The following RAB3B variants were observed in gnomAD, a reference collection of about 807,000 sequenced individuals.
RAB3B encodes the protein RAB3B, member RAS oncogene family, also known as ras-related protein Rab-3B.
RAB3B carries 11 observed loss-of-function variants against 20.5 expected under a neutral mutation model. That is an observed-to-expected ratio of 0.54 (90% CI 0.34 to 0.89). The LOEUF (loss-of-function observed/expected upper bound fraction) is 0.89, where lower values mean the gene tolerates loss of function less well. Among genes scored for constraint, RAB3B ranks in the 40% least tolerant of loss-of-function variants. RAB3B has a pLI of 0.02. For synonymous variants in RAB3B, 99 were observed against 106.3 expected (o/e 0.93, Z 0.42); for missense variants, 225 against 280.9 (o/e 0.80, Z 1.42).
In RAB3B at chr1:51,984,387, C is replaced by CTT. The variant is rs949424495; in HGVS notation, c.-1+6163_-1+6164dup. On this transcript the variant is annotated intron_variant, in intron 1 of 4. Transcript: ENST00000371655. ...CTATAGATGTGTCATAAGACCAATT[C>CTT]TTTTTTTTTTTTTTTTTTTTTGAGA... Among the ~76,000 whole-genome samples the CTT allele has an allele frequency of 2.7e-3, 270 of 98,932 alleles. 16 individuals are homozygous for CTT. In the South Asian group the frequency reaches 0.028, roughly 10 times the overall value. The allele number at this position is 98,932 out of a possible 152,430, so 64.9% of individuals were successfully genotyped here.
Position 51,915,700 on chromosome 1 carries a change from CTTGTT to C in RAB3B, c.*4222_*4226del, listed in dbSNP as rs1684075362. 1 of 151,848 alleles carries C rather than the reference CTTGTT, an allele frequency of 6.6e-6. No homozygotes were observed. The highest frequency in any genetic ancestry group is 2.4e-5 in the African/African-American group (1 of 41,326). 9.4% of individuals were successfully genotyped at this position (151,848 alleles called of 1,614,324 possible). A position where few individuals can be genotyped will look rare whatever the true frequency, so the allele number is the denominator to read the frequency against. On this transcript the variant is annotated 3_prime_UTR_variant, in exon 5 of 5. Transcript: ENST00000371655. Reference sequence around the variant, plus strand: ...GTTTTTTGTTGTTGTTGTTTGTTTGCTTGTTTTGTTTTGAGATGGAGTCTCGCTCT... The same window carrying C: ...GTTTTTTGTTGTTGTTGTTTGTTTGCTTGTTTTGAGATGGAGTCTCGCTCT...
At chr1:51,970,879 C>G (rs1684920632) in intron 2 of RAB3B, among the ~76,000 whole-genome samples, 1 of 151,764 alleles carries the variant, frequency 6.6e-6, no homozygotes, top group Admixed American at 6.6e-5. Flanking sequence ...GGCTTGGTGG[C>G]TGGGACCTGT....
intron 4 of RAB3B, among the ~76,000 whole-genome samples, chr1:51,924,125 G>A (rs1226654547): frequency 1.3e-5 from 2 of 152,172 alleles, no homozygotes; most frequent in Admixed American, 6.5e-5. Context: ...AGGTGGGAAT[G>A]AGCAAGGAGG....
At position 51,919,990 on chromosome 1, in the gene RAB3B, G is replaced by T. The variant is rs1299978432; in HGVS notation, c.597C>A (p.Gly199=). The T allele has an allele frequency of 6.2e-7, 1 of 1,614,186 alleles. No individual in the cohort carries two copies. Among genetic ancestry groups the T allele is most frequent in the Non-Finnish European group, 8.5e-7 (1 of 1,180,028 alleles). ...DSLDTDPSML[G]SSKNTRLSDT... ...CCGAGAGACGCGTGTTCTTGGAGGA[G>T]CCCAGCATCGACGGGTCTGTGTCCA... Residue 199 remains glycine, a synonymous_variant, in exon 5 of 5, where the codon GGC becomes GGA. Transcript: ENST00000371655.
chr1:51,989,764 C>T (rs1040385531), intron 1 of RAB3B, among the ~76,000 whole-genome samples: 1 of 151,582 alleles, frequency 6.6e-6, no homozygotes, highest in South Asian at 2.1e-4. Flanking sequence ...CCAACCTGGC[C>T]TCTCACCCTT....
At chr1:51,944,254 G>A (rs939867112) in intron 2 of RAB3B, among the ~76,000 whole-genome samples, 24 of 152,278 alleles carry the variant, frequency 1.6e-4, no homozygotes, top group African/African-American at 5.5e-4. Flanking sequence ...ATGGTTTACT[G>A]AATAATTTAA....
At chr1:51,986,243 C>A (rs6691214) in intron 1 of RAB3B, among the ~76,000 whole-genome samples, 113,475 of 150,478 alleles carry the variant, frequency 0.75, 45,729 homozygotes, top group Middle Eastern at 0.88. Context: ...CTCCGCCTCC[C>A]GGGTTCACGC....
At position 51,920,018 on chromosome 1, in the gene RAB3B, G is replaced by A. The variant is rs747436141; in HGVS notation, c.569C>T (p.Ser190Leu). Residue 190 changes from serine to leucine, a missense_variant, in exon 5 of 5, where the codon TCG becomes TTG. Coordinates refer to ENST00000371655, the MANE Select transcript of RAB3B (RefSeq NM_002867.4). The part of the protein sequence containing the change: ...VDAICDKMSD[S>L]LDTDPSMLGS... The stretch of plus-strand genomic sequence containing the variant: ...CAGCATCGACGGGTCTGTGTCCAGC[G>A]AATCAGACATCTTGTCACAAATGGC... 11 of 1,614,024 alleles carry A rather than the reference G, an allele frequency of 6.8e-6. No individual in the cohort carries two copies. The highest frequency in any genetic ancestry group is 5.3e-5 in the African/African-American group (4 of 74,906).
rs1306942782 is a variant in RAB3B at position 51,912,669 on chromosome 1, G to C, written c.*7258C>G. On this transcript the variant is annotated 3_prime_UTR_variant, in exon 5 of 5. Transcript: ENST00000371655. ...AATTACGTAAGTAGGGAAATGTTAG[G>C]AACTCTGTGGTAGCTCTCTAGGGCA... is the stretch of plus-strand genomic sequence containing the variant. 1 of 145,020 alleles carries C rather than the reference G, an allele frequency of 6.9e-6. No individual in the cohort carries two copies. Among genetic ancestry groups the C allele is most frequent in the Non-Finnish European group, 1.5e-5 (1 of 66,856 alleles). 9.0% of individuals were successfully genotyped at this position (145,020 alleles called of 1,614,324 possible).
Position 51,917,387 on chromosome 1 carries a change from T to C in RAB3B, c.*2540A>G, listed in dbSNP as rs76730963. 1.7e-4 allele frequency: 26 copies of C among 152,190 alleles called. No individual in the cohort carries two copies. The East Asian group carries it at 2.9e-3, about 17-fold the overall frequency. 9.4% of individuals were successfully genotyped at this position (152,190 alleles called of 1,614,324 possible). On this transcript the variant is annotated 3_prime_UTR_variant, in exon 5 of 5. Coordinates refer to ENST00000371655, the MANE Select transcript of RAB3B (RefSeq NM_002867.4). Reference sequence around the variant, plus strand: ...CATCCAAATAAGCTCCCTCATTTTATAAGTAGGAAATCAAGACTCAAAAGT... The same window carrying C: ...CATCCAAATAAGCTCCCTCATTTTACAAGTAGGAAATCAAGACTCAAAAGT...
At chr1:51,980,739 T>A (rs981521010) in intron 1 of RAB3B, 1 of 755,460 alleles carries the variant, frequency 1.3e-6, no homozygotes, top group African/African-American at 1.7e-5. Flanking sequence ...ATCGATCTCA[T>A]GAAGCCCGCA....
chr1:51,910,105 C>T lies in RAB3B; in HGVS notation c.*9822G>A, dbSNP rs1028291323. 6.6e-6 allele frequency: 1 copy of T among 152,128 alleles called. No individual in the cohort carries two copies. Among genetic ancestry groups the T allele is most frequent in the Admixed American group, 6.5e-5 (1 of 15,270 alleles). The allele number at this position is 152,128 out of a possible 1,614,324, so 9.4% of individuals were successfully genotyped here. ...GAAGTCACAAAACTAGTGATGAAGA[C>T]CCAAGAACTGAACCCAGGTCTGTCA... On this transcript the variant is annotated 3_prime_UTR_variant, in exon 5 of 5. Coordinates refer to ENST00000371655, the MANE Select transcript of RAB3B (RefSeq NM_002867.4).
At chr1:51,975,067 A>G (rs1684989607) in intron 2 of RAB3B, among the ~76,000 whole-genome samples, 1 of 151,936 alleles carries the variant, frequency 6.6e-6, no homozygotes, top group Non-Finnish European at 1.5e-5. Flanking sequence ...TACAAAAATT[A>G]GCCAGGCGTG....
At chr1:51,944,923 C>T (rs1018849804) in intron 2 of RAB3B, among the ~76,000 whole-genome samples, 4 of 152,232 alleles carry the variant, frequency 2.6e-5, no homozygotes, top group African/African-American at 9.6e-5. Context: ...AGAAGTTCTA[C>T]TATGGGTAAA....
rs1034855487 is a variant in RAB3B, at chr1:51,914,424, A to C, written c.*5503T>G. ...ACAGCATCACGTGCCTTTCCTTTAG[A>C]GTACTTTGTAATTATATTTGGGTGA... On this transcript the variant is annotated 3_prime_UTR_variant, in exon 5 of 5. Transcript: ENST00000371655. 6.6e-6 allele frequency: 1 copy of C among 152,184 alleles called. No homozygotes were observed. The highest frequency in any genetic ancestry group is 2.4e-5 in the African/African-American group (1 of 41,430). 9.4% of individuals were successfully genotyped at this position (152,184 alleles called of 1,614,324 possible).
chr1:51,928,193 G>A (rs1684272098), intron 4 of RAB3B, among the ~76,000 whole-genome samples: 1 of 151,962 alleles, frequency 6.6e-6, no homozygotes, highest in South Asian at 2.1e-4. Flanking sequence ...CGCAACCTCC[G>A]CCTCCCCGGT....
At position 51,913,698 on chromosome 1, in the gene RAB3B, C is replaced by T. The variant is rs1346214705; in HGVS notation, c.*6229G>A. The T allele has an allele frequency of 6.6e-6, 1 of 152,172 alleles. No homozygotes were observed. The highest frequency in any genetic ancestry group is 2.4e-5 in the African/African-American group (1 of 41,430). The allele number at this position is 152,172 out of a possible 1,614,324, so 9.4% of individuals were successfully genotyped here. A position where few individuals can be genotyped will look rare whatever the true frequency, so the allele number is the denominator to read the frequency against. ...TGTTGGCCAGGCTGGTCTGGAACTC[C>T]TGACCTCAAATGATCCGCATGCCTT... On this transcript the variant is annotated 3_prime_UTR_variant, in exon 5 of 5. Coordinates refer to ENST00000371655, the MANE Select transcript of RAB3B (RefSeq NM_002867.4).
chr1:51,934,111 C>G (rs975394306), intron 3 of RAB3B, among the ~76,000 whole-genome samples: 3 of 152,202 alleles, frequency 2.0e-5, no homozygotes, highest in African/African-American at 7.2e-5. Context: ...TCTCTGGCCC[C>G]CAGCTAGCTA....
intron 2 of RAB3B, among the ~76,000 whole-genome samples, chr1:51,969,035 T>TG (rs1434220838): frequency 1.3e-5 from 2 of 152,232 alleles, no homozygotes; most frequent in African/African-American, 4.8e-5. Context: ...GGCTCACACC[T>TG]GTAATCCCAG....
Sources: allele counts gnomAD v4.1 joint callset (sites outside exome capture counted in the v4.1 genomes callset), GRCh38; gene constraint gnomAD v4.1.1; transcripts MANE v1.5; gene names NCBI Gene and HGNC (gene_info 2026-07-23, HGNC 2026-07-21).